The following NSMCE2 variants were observed in gnomAD, a reference collection of about 807,000 sequenced individuals.
The protein encoded by NSMCE2 is E3 SUMO-protein ligase NSE2.
A neutral mutation model predicts 23.8 loss-of-function variants in NSMCE2; 24 were observed. The ratio of observed to expected loss-of-function variants is 1.01; its 90% CI spans 0.73 to 1.42. NSMCE2 has a LOEUF of 1.42. Ranked by LOEUF, NSMCE2 falls within the 40% of genes most tolerant of loss-of-function variation. The pLI is 0.00. For missense variants in NSMCE2, 284 were observed against 296.5 expected (o/e 0.96, Z 0.31); for synonymous variants, 92 against 94.1 (o/e 0.98, Z 0.13).
intron 3 of NSMCE2, among the ~76,000 whole-genome samples, chr8:125,116,674 T>G (rs146199521): frequency 1.8e-3 from 268 of 152,266 alleles, no homozygotes; most frequent in African/African-American, 6.1e-3. Flanking sequence ...CTTAACCTAC[T>G]TATGTCATTA....
chr8:125,336,206 G>C (rs1366513323), intron 5 of NSMCE2, among the ~76,000 whole-genome samples: 1 of 152,094 alleles, frequency 6.6e-6, no homozygotes, highest in Non-Finnish European at 1.5e-5. Context: ...AAGAAGGAAA[G>C]GAAAGGAAGA....
In NSMCE2 at chr8:125,227,032, A is replaced by T. The variant is rs954697105; in HGVS notation, c.418+44776A>T. 4.6e-5 allele frequency among the ~76,000 whole-genome samples: 7 copies of T among 151,976 alleles called. No homozygotes were observed. In the South Asian group the frequency reaches 1.5e-3, roughly 32 times the overall value. ...GGACTCACCAGTGAGTGCCACATTCACAGCCATGTCTGGTGCAGTCTGAAA... is the reference window on the plus strand; with the variant it reads ...GGACTCACCAGTGAGTGCCACATTCTCAGCCATGTCTGGTGCAGTCTGAAA... On this transcript the variant is annotated intron_variant, in intron 5 of 7. Transcript: ENST00000287437.
At chr8:125,130,962 C>T (rs1819747794) in intron 3 of NSMCE2, among the ~76,000 whole-genome samples, 1 of 152,320 alleles carries the variant, frequency 6.6e-6, no homozygotes, top group South Asian at 2.1e-4. Flanking sequence ...AGTTCATCAG[C>T]TAGCTTAGGG....
At chr8:125,121,774 G>C (rs550802355) in intron 3 of NSMCE2, among the ~76,000 whole-genome samples, 1 of 152,200 alleles carries the variant, frequency 6.6e-6, no homozygotes, top group African/African-American at 2.4e-5. Context: ...AATCCTTACA[G>C]AAATACTGTC....
chr8:125,333,724 G>T (rs970653292), intron 5 of NSMCE2, among the ~76,000 whole-genome samples: 1 of 151,350 alleles, frequency 6.6e-6, no homozygotes, highest in Admixed American at 6.6e-5. Context: ...CATTTTAGCC[G>T]GGATGGTCTC....
intron 5 of NSMCE2, among the ~76,000 whole-genome samples, chr8:125,341,690 A>G (rs914658370): frequency 1.3e-5 from 2 of 152,046 alleles, no homozygotes; most frequent in African/African-American, 2.4e-5. Context: ...CTATCCCCCA[A>G]TTTATGGTAG....
intron 4 of NSMCE2, among the ~76,000 whole-genome samples, chr8:125,162,598 T>G (rs565171494): frequency 6.6e-6 from 1 of 152,216 alleles, no homozygotes; most frequent in East Asian, 1.9e-4. Context: ...GCCCCTCCTA[T>G]CTAGTGATTT....
intron 5 of NSMCE2, among the ~76,000 whole-genome samples, chr8:125,299,125 A>G (rs1338030518): frequency 6.6e-6 from 1 of 152,208 alleles, no homozygotes; most frequent in East Asian, 1.9e-4. Context: ...TAAACCTTTG[A>G]AGTATTTTTA....
At chr8:125,322,836 C>A (rs1013976037) in intron 5 of NSMCE2, among the ~76,000 whole-genome samples, 4 of 152,164 alleles carry the variant, frequency 2.6e-5, no homozygotes, top group Admixed American at 2.0e-4. Context: ...ATTTTAAATG[C>A]CATTTATGAT....
chr8:125,158,420 G>C (rs1243505862), intron 4 of NSMCE2, among the ~76,000 whole-genome samples: 1 of 152,186 alleles, frequency 6.6e-6, no homozygotes, highest in Non-Finnish European at 1.5e-5. Flanking sequence ...GAAAAGAAGA[G>C]AGGGGCTTAC....
At chr8:125,098,735 A>G (rs1424792339) in intron 1 of NSMCE2, among the ~76,000 whole-genome samples, 1 of 148,802 alleles carries the variant, frequency 6.7e-6, no homozygotes, top group East Asian at 2.1e-4. Flanking sequence ...GGTTCAACAA[A>G]TGGAAGGATG....
Position 125,291,530 on chromosome 8 carries a change from G to T in NSMCE2, c.419-65689G>T, listed in dbSNP as rs937277850. The stretch of plus-strand genomic sequence containing the variant: ...TTGGCCAACTCTGCAAGCAGATTTG[G>T]ATTAAGATTACAAATCACACAATGG... On this transcript the variant is annotated intron_variant, in intron 5 of 7. Coordinates refer to ENST00000287437, the MANE Select transcript of NSMCE2 (RefSeq NM_173685.4). Among the ~76,000 whole-genome samples the T allele has an allele frequency of 3.3e-5, 5 of 152,104 alleles. No homozygotes were observed. The East Asian group carries it at 9.6e-4, about 29-fold the overall frequency.
At chr8:125,145,949 G>T (rs936911233) in intron 3 of NSMCE2, among the ~76,000 whole-genome samples, 4 of 152,152 alleles carry the variant, frequency 2.6e-5, no homozygotes, top group Non-Finnish European at 5.9e-5. Context: ...CTTCAGATTA[G>T]CTTTGCTGAT....
chr8:125,142,822 G>A (rs1486954664), intron 3 of NSMCE2, among the ~76,000 whole-genome samples: 1 of 151,918 alleles, frequency 6.6e-6, no homozygotes, highest in Non-Finnish European at 1.5e-5. Context: ...GGCTGGTCTC[G>A]AACTCCTGAC....
chr8:125,208,096 A>G (rs1824185909), intron 5 of NSMCE2, among the ~76,000 whole-genome samples: 1 of 152,236 alleles, frequency 6.6e-6, no homozygotes, highest in Non-Finnish European at 1.5e-5. Flanking sequence ...ATACTCAAAT[A>G]CGAGTTTTTA....
chr8:125,242,071 C>T (rs1188158640), intron 5 of NSMCE2, among the ~76,000 whole-genome samples: 1 of 151,958 alleles, frequency 6.6e-6, no homozygotes, highest in Non-Finnish European at 1.5e-5. Context: ...ATCACTGTGT[C>T]TAATGGAAGT....
intron 3 of NSMCE2, among the ~76,000 whole-genome samples, chr8:125,125,981 A>G (rs1819499105): frequency 6.6e-6 from 1 of 152,162 alleles, no homozygotes; most frequent in Non-Finnish European, 1.5e-5. Context: ...GACCTTTGCC[A>G]TGGAGGAAGA....
At chr8:125,178,482 A>G (rs1237518219) in intron 4 of NSMCE2, among the ~76,000 whole-genome samples, 1 of 152,182 alleles carries the variant, frequency 6.6e-6, no homozygotes, top group East Asian at 1.9e-4. Flanking sequence ...ACATTAATCC[A>G]GTGTATTGTG....
chr8:125,125,053 C>G (rs181034388), intron 3 of NSMCE2, among the ~76,000 whole-genome samples: 1 of 152,054 alleles, frequency 6.6e-6, no homozygotes, highest in Admixed American at 6.6e-5. Flanking sequence ...CCTCAGCCTC[C>G]CAAAGTGCTG....
Sources: allele counts gnomAD v4.1 joint callset (sites outside exome capture counted in the v4.1 genomes callset), GRCh38; gene constraint gnomAD v4.1.1; transcripts MANE v1.5; gene names NCBI Gene and HGNC (gene_info 2026-07-23, HGNC 2026-07-21).